PDE9A: variants seen among roughly 807,000 people sequenced by gnomAD.
PDE9A encodes the protein phosphodiesterase 9A, also known as high affinity cGMP-specific 3',5'-cyclic phosphodiesterase 9A.
A neutral mutation model predicts 87.4 loss-of-function variants in PDE9A; 60 were observed. The observed-to-expected ratio is 0.69, with a 90% confidence interval of 0.56 to 0.85. PDE9A has a LOEUF of 0.85. Among genes scored for constraint, PDE9A ranks in the 40% least tolerant of loss-of-function variants. PDE9A has a pLI of 0.00. For missense variants in PDE9A, 665 were observed against 779.0 expected (o/e 0.85, Z 1.74); for synonymous variants, 272 against 279.4 (o/e 0.97, Z 0.27).
In PDE9A at chr21:42,720,294, G is replaced by A. The variant is rs187836404; in HGVS notation, c.263-11476G>A. On this transcript the variant is annotated intron_variant, in intron 4 of 19. Coordinates refer to ENST00000291539, the MANE Select transcript of PDE9A (RefSeq NM_002606.3). ...GGATCACCTGAGGTTGGGAGTTCGA[G>A]ACCAGCCTGACCAACATGGAGAAAC... Among the ~76,000 whole-genome samples, 1,252 of 152,214 alleles carry A rather than the reference G, an allele frequency of 8.2e-3. 17 individuals are homozygous for A. The highest frequency in any genetic ancestry group is 0.029 in the African/African-American group (1,188 of 41,516).
At position 42,751,171 on chromosome 21, in the gene PDE9A, C is replaced by T. The variant is rs201357375; in HGVS notation, c.709C>T (p.Arg237Ter). 5 of 1,612,616 alleles carry T rather than the reference C, an allele frequency of 3.1e-6. No homozygotes were observed. The highest frequency in any genetic ancestry group is 4.2e-6 in the Non-Finnish European group (5 of 1,178,686). The part of the protein sequence containing the change: ...FLDNHKKLTP[R>*]RDVPTYPKYL... ...GGATAACCACAAGAAGTTGACTCCT[C>T]GACGCGATGTTCCCACTTACCCCAA... Residue 237 changes from arginine to a stop codon, truncating the protein, a stop_gained, in exon 9 of 20, where the codon CGA (arginine) becomes TGA (stop). Transcript: ENST00000291539. LOFTEE classifies it high-confidence loss of function.
chr21:42,756,569 C>T (rs1192842060), intron 10 of PDE9A, among the ~76,000 whole-genome samples: 5 of 137,440 alleles, frequency 3.6e-5, no homozygotes, highest in Non-Finnish European at 7.9e-5. Context: ...AGGGCTGTGG[C>T]CCGTGAGCGT....
At chr21:42,667,409 A>C (rs1266706594) in intron 1 of PDE9A, among the ~76,000 whole-genome samples, 1 of 152,100 alleles carries the variant, frequency 6.6e-6, no homozygotes, top group East Asian at 1.9e-4. Flanking sequence ...GTTTTTTTTA[A>C]AGGAGGATTT....
Position 42,653,734 on chromosome 21 carries a change from C to G in PDE9A, c.-81C>G. 1.5e-6 allele frequency: 1 copy of G among 645,756 alleles called. No individual in the cohort carries two copies. The highest frequency in any genetic ancestry group is 1.8e-5 in the South Asian group (1 of 55,334). 40.0% of individuals were successfully genotyped at this position (645,756 alleles called of 1,614,324 possible). On this transcript the variant is annotated 5_prime_UTR_variant, in exon 1 of 20. Coordinates refer to ENST00000291539, the MANE Select transcript of PDE9A (RefSeq NM_002606.3). Reference sequence around the variant, plus strand: ...GGCCGCCCCCCGCCCGCCCCCTCCCCTGCTCCCCTCCCCCGCCTCCCGCGG... The same window carrying G: ...GGCCGCCCCCCGCCCGCCCCCTCCCGTGCTCCCCTCCCCCGCCTCCCGCGG...
In PDE9A at chr21:42,760,878, C is replaced by T. The variant is rs757302071; in HGVS notation, c.1056C>T (p.His352=). The stretch of plus-strand genomic sequence containing the variant: ...TCCTAATGACAGCGGCCATCTGCCA[C>T]GATCTGGACCATCCCGGCTACAACA... ...ILILMTAAIC[H]DLDHPGYNNT... is the part of the protein sequence containing the mutation. The change falls in exon 13 of 20, where the codon CAC becomes CAT. Residue 352 remains histidine, a synonymous_variant. Coordinates refer to ENST00000291539, the MANE Select transcript of PDE9A (RefSeq NM_002606.3). The surrounding 1 kb of genome is among the most constrained non-coding windows in gnomAD (Gnocchi z 5.2). 5.6e-6 allele frequency: 9 copies of T among 1,611,518 alleles called. No homozygotes were observed. The highest frequency in any genetic ancestry group is 2.7e-5 in the African/African-American group (2 of 74,858).
chr21:42,768,474 C>T (rs985830305), intron 16 of PDE9A, 182 bp downstream of exon 16: 20 of 1,161,450 alleles, frequency 1.7e-5, no homozygotes, highest in Middle Eastern at 3.0e-4. Flanking sequence ...TAATTTGAGA[C>T]CTGAAAGACA....
chr21:42,750,493 T>C (rs2054299172), intron 8 of PDE9A, among the ~76,000 whole-genome samples: 1 of 152,110 alleles, frequency 6.6e-6, no homozygotes, highest in African/African-American at 2.4e-5. Context: ...ACTCTTGTGT[T>C]GTTTAGATTT....
At chr21:42,690,337 C>T (rs1208908487) in intron 3 of PDE9A, among the ~76,000 whole-genome samples, 2 of 151,430 alleles carry the variant, frequency 1.3e-5, no homozygotes, top group African/African-American at 2.4e-5. Context: ...GTGGATCTAA[C>T]CGGGTACAGG....
In PDE9A at chr21:42,659,496, G is replaced by A. The variant is rs190441093; in HGVS notation, c.69+5613G>A. Among the ~76,000 whole-genome samples, 1 of 152,320 alleles carries A rather than the reference G, an allele frequency of 6.6e-6. No homozygotes were observed. Among genetic ancestry groups the A allele is most frequent in the Admixed American group, 6.5e-5 (1 of 15,298 alleles). ...TGGAGGCTCACTGTGCAGTCCACGC[G>A]GAGCAATGGGGTGAAGTTTCCAGAG... On this transcript the variant is annotated intron_variant, in intron 1 of 19. Coordinates refer to ENST00000291539, the MANE Select transcript of PDE9A (RefSeq NM_002606.3). The surrounding 1 kb of genome is among the most constrained non-coding windows in gnomAD (Gnocchi z 4.1).
rs368397518 is a variant in PDE9A, at chr21:42,710,266, G to C, written c.262+11255G>C. Reference sequence around the variant, plus strand: ...CTACAAAAAGTGCAAAAAATTAGCAGGGTGTGGTGGTGTGTGCCTGTAGTC... The same window carrying C: ...CTACAAAAAGTGCAAAAAATTAGCACGGTGTGGTGGTGTGTGCCTGTAGTC... On this transcript the variant is annotated intron_variant, in intron 4 of 19. Coordinates refer to ENST00000291539, the MANE Select transcript of PDE9A (RefSeq NM_002606.3). Among the ~76,000 whole-genome samples, 20 of 152,174 alleles carry C rather than the reference G, an allele frequency of 1.3e-4. No homozygotes were observed. In the South Asian group the frequency reaches 1.9e-3, roughly 14 times the overall value.
At position 42,705,686 on chromosome 21, in the gene PDE9A, C is replaced by T. The variant is rs551339541; in HGVS notation, c.262+6675C>T. On this transcript the variant is annotated intron_variant, in intron 4 of 19. Coordinates refer to ENST00000291539, the MANE Select transcript of PDE9A (RefSeq NM_002606.3). The surrounding 1 kb of genome is among the most constrained non-coding windows in gnomAD (Gnocchi z 4.3). ...CCTATAGGAGAGCCAGGGGCCATCACGATTTTCTTAGGCACAGCAGCAGTT... is the reference window on the plus strand; with the variant it reads ...CCTATAGGAGAGCCAGGGGCCATCATGATTTTCTTAGGCACAGCAGCAGTT... Among the ~76,000 whole-genome samples, 8 of 152,310 alleles carry T rather than the reference C, an allele frequency of 5.3e-5. No individual in the cohort carries two copies. Among genetic ancestry groups the T allele is most frequent in the African/African-American group, 1.7e-4 (7 of 41,582 alleles).
In PDE9A at chr21:42,687,983, G is replaced by A. The variant is rs377439221; in HGVS notation, c.207G>A (p.Ala69=). The change falls in exon 3 of 20, where the codon GCG becomes GCA. Residue 69 remains alanine (A), a synonymous_variant. Transcript: ENST00000291539. ...TCTCCATCGACCCCACCATGCCCGC[G>A]AATTCAGAACGGTAAGAGGCTCCGG... ...AMVSIDPTMP[A]NSERTPYKVR... The A allele has an allele frequency of 1.5e-5, 24 of 1,612,692 alleles. No homozygotes were observed. Among genetic ancestry groups the A allele is most frequent in the East Asian group, 1.1e-4 (5 of 44,890 alleles).
intron 4 of PDE9A, among the ~76,000 whole-genome samples, chr21:42,703,139 C>T (rs960613705): frequency 6.6e-6 from 1 of 152,214 alleles, no homozygotes; most frequent in Non-Finnish European, 1.5e-5. Context: ...TATAGAGACC[C>T]ATCCGGGGCT....
intron 18 of PDE9A, among the ~76,000 whole-genome samples, chr21:42,772,134 A>C (rs187466985): frequency 2.6e-5 from 4 of 152,302 alleles, no homozygotes; most frequent in Admixed American, 2.6e-4. Flanking sequence ...AGACACGCCA[A>C]AGAGGTGAAA....
At chr21:42,661,233 C>T (rs951275310) in intron 1 of PDE9A, among the ~76,000 whole-genome samples, 1 of 151,920 alleles carries the variant, frequency 6.6e-6, no homozygotes, top group Non-Finnish European at 1.5e-5. Context: ...GTTTCAGCAC[C>T]TTGACCAGGC....
chr21:42,732,695 A>C lies in PDE9A; in HGVS notation c.497+571A>C, dbSNP rs1000960098. Among the ~76,000 whole-genome samples, 94 of 152,262 alleles carry C rather than the reference A, an allele frequency of 6.2e-4. 1 individual carries two copies. Among genetic ancestry groups the C allele is most frequent in the African/African-American group, 2.2e-3 (90 of 41,554 alleles). On this transcript the variant is annotated intron_variant, in intron 6 of 19. Transcript: ENST00000291539. ...TTTGGGAGGCGGAGGCGGGCAGATC[A>C]CCTGAGGTCGGGAGTTCAAGACCAG...
At chr21:42,669,045 C>A (rs1406538711) in intron 1 of PDE9A, among the ~76,000 whole-genome samples, 1 of 152,084 alleles carries the variant, frequency 6.6e-6, no homozygotes, top group Non-Finnish European at 1.5e-5. Context: ...TGAGGCCCAC[C>A]CGGTATCAAG....
intron 19 of PDE9A, among the ~76,000 whole-genome samples, chr21:42,773,837 G>A (rs1187371550): frequency 6.6e-6 from 1 of 150,456 alleles, no homozygotes; most frequent in East Asian, 2.0e-4. Context: ...GGGCGCAGTG[G>A]CTCATGCCTG....
At chr21:42,687,818 T>G in intron 2 of PDE9A, 99 bp from the exon 3 acceptor site, 1 of 1,015,772 alleles carries the variant, frequency 9.8e-7, no homozygotes, top group Non-Finnish European at 1.5e-6. Context: ...GTCCTGGGAC[T>G]GTCCTGGTTG....
Sources: allele counts gnomAD v4.1 joint callset (sites outside exome capture counted in the v4.1 genomes callset), GRCh38; gene constraint gnomAD v4.1.1; non-coding constraint Gnocchi (gnomAD v3.1); transcripts MANE v1.5; gene names NCBI Gene and HGNC (gene_info 2026-07-23, HGNC 2026-07-21).